Variants in AP2B1 observed in about 807,000 individuals in gnomAD.
AP2B1 encodes the protein AP-2 complex subunit beta.
In AP2B1, 23 loss-of-function variants were observed where a neutral mutation model predicts 102.0. The ratio of observed to expected loss-of-function variants is 0.23; its 90% CI spans 0.16 to 0.32. The LOEUF is 0.32. Ranked by LOEUF, AP2B1 falls within the 10% of genes least tolerant of loss-of-function variation. AP2B1 has a pLI of 1.00. For missense variants in AP2B1, 541 were observed against 1,157.4 expected (o/e 0.47, Z 7.73); for synonymous variants, 381 against 421.2 (o/e 0.90, Z 1.17).
chr17:35,709,855 T>C (rs2076412670), intron 19 of AP2B1, among the ~76,000 whole-genome samples: 1 of 152,238 alleles, frequency 6.6e-6, no homozygotes, highest in Non-Finnish European at 1.5e-5. Context: ...AACTGGCTTA[T>C]ATTGGTGCAT....
chr17:35,719,719 G>A (rs1360494772), intron 21 of AP2B1, among the ~76,000 whole-genome samples: 2 of 152,208 alleles, frequency 1.3e-5, no homozygotes, highest in African/African-American at 4.8e-5. Flanking sequence ...ACAGTGACCT[G>A]GTGTGGTGGC....
At chr17:35,592,361 A>T (rs1047341027) in intron 1 of AP2B1, among the ~76,000 whole-genome samples, 5 of 151,934 alleles carry the variant, frequency 3.3e-5, no homozygotes, top group Non-Finnish European at 5.9e-5. Flanking sequence ...ATATTTATAT[A>T]TTTTTTTCCC....
intron 10 of AP2B1, 107 bp from the exon 11 acceptor site, chr17:35,639,488 G>A: frequency 1.1e-6 from 1 of 872,772 alleles, no homozygotes; most frequent in African/African-American, 1.7e-5. Flanking sequence ...TTTACAGTTT[G>A]GTGGTTTGGT....
chr17:35,707,508 G>A (rs1041818533), intron 18 of AP2B1, among the ~76,000 whole-genome samples: 5 of 142,296 alleles, frequency 3.5e-5, no homozygotes, highest in East Asian at 2.1e-4. Context: ...GCTGGAGTGC[G>A]GTGGCGCTAT....
chr17:35,644,600 G>A (rs1248820102), intron 12 of AP2B1, among the ~76,000 whole-genome samples: 1 of 150,964 alleles, frequency 6.6e-6, no homozygotes, highest in Non-Finnish European at 1.5e-5. Context: ...GGCCAGGCTG[G>A]TCTTGAACTC....
chr17:35,711,432 C>T (rs1244160075), intron 20 of AP2B1, among the ~76,000 whole-genome samples: 1 of 151,122 alleles, frequency 6.6e-6, no homozygotes, highest in African/African-American at 2.4e-5. Context: ...AAAACACACA[C>T]ACACACAAAA....
chr17:35,723,877 T>C lies in AP2B1; in HGVS notation c.*178T>C, dbSNP rs1167044378. On this transcript the variant is annotated 3_prime_UTR_variant, in exon 22 of 22. Coordinates refer to ENST00000610402, the MANE Select transcript of AP2B1 (RefSeq NM_001030006.2). The stretch of plus-strand genomic sequence containing the variant: ...AACCTGTTGGATAGTTTTAGCTTCC[T>C]GTGAACATTTGTAACCACTGCTTCA... 2 of 516,036 alleles carry C rather than the reference T, an allele frequency of 3.9e-6. No individual in the cohort carries two copies. The highest frequency in any genetic ancestry group is 7.0e-6 in the Non-Finnish European group (2 of 284,318). 32.0% of individuals were successfully genotyped at this position (516,036 alleles called of 1,614,324 possible). A position where few individuals can be genotyped will look rare whatever the true frequency, so the allele number is the denominator to read the frequency against.
rs141272905 is a variant in AP2B1, at chr17:35,638,564, G to A, written c.1272-1031G>A. On this transcript the variant is annotated intron_variant, in intron 10 of 21. Coordinates refer to ENST00000610402, the MANE Select transcript of AP2B1 (RefSeq NM_001030006.2). ...AGCACTTTGGGAGGCCGAGGTGGGC[G>A]GATCATGAGGTCAGGAGATGGAGAC... Among the ~76,000 whole-genome samples, 1,359 of 152,132 alleles carry A rather than the reference G, an allele frequency of 8.9e-3. 16 individuals carry two copies. The highest frequency in any genetic ancestry group is 0.031 in the African/African-American group (1,270 of 41,494).
At chr17:35,660,165 GA>G in intron 14 of AP2B1, 11 of 802,736 alleles carry the variant, frequency 1.4e-5, no homozygotes, top group Non-Finnish European at 1.7e-5. Context: ...TTAGTTTGTG[GA>G]AATGGGTTCT....
Position 35,701,216 on chromosome 17 carries a change from T to G in AP2B1, c.2455-8008T>G, listed in dbSNP as rs587600759. Among the ~76,000 whole-genome samples the G allele has an allele frequency of 5.3e-5, 8 of 152,314 alleles. No individual in the cohort carries two copies. In the South Asian group the frequency reaches 1.7e-3, roughly 32 times the overall value. On this transcript the variant is annotated intron_variant, in intron 18 of 21. Coordinates refer to ENST00000610402, the MANE Select transcript of AP2B1 (RefSeq NM_001030006.2). Reference sequence around the variant, plus strand: ...ACTGAACAGTTTCAGGAAATATTACTTACTCTTCATGAGATGCACTGTGAT... The same window carrying G: ...ACTGAACAGTTTCAGGAAATATTACGTACTCTTCATGAGATGCACTGTGAT...
At chr17:35,722,862 T>G (rs1291960924) in intron 21 of AP2B1, among the ~76,000 whole-genome samples, 1 of 152,224 alleles carries the variant, frequency 6.6e-6, no homozygotes, top group African/African-American at 2.4e-5. Context: ...TGGGTTTAAA[T>G]TTTGTCCTTA....
intron 21 of AP2B1, among the ~76,000 whole-genome samples, chr17:35,719,743 GC>G (rs1431137092): frequency 1.5e-4 from 23 of 152,314 alleles, no homozygotes; most frequent in African/African-American, 5.3e-4. Flanking sequence ...TGCCTGTAAT[GC>G]CAACACTTTG....
rs1455402719 is a variant in AP2B1 at position 35,723,761 on chromosome 17, G to A, written c.*62G>A. ...CGGTGCAAGTCAAGAACTCTTAACT[G>A]GAAGAAATTGTATTGCTGCGTAGAA... On this transcript the variant is annotated 3_prime_UTR_variant, in exon 22 of 22. Transcript: ENST00000610402. 1 of 1,221,492 alleles carries A rather than the reference G, an allele frequency of 8.2e-7. No individual in the cohort carries two copies. The highest frequency in any genetic ancestry group is 1.5e-5 in the African/African-American group (1 of 66,980). 75.7% of individuals were successfully genotyped at this position (1,221,492 alleles called of 1,614,324 possible).
chr17:35,620,809 C>A (rs1216502814), intron 5 of AP2B1, among the ~76,000 whole-genome samples: 2 of 152,078 alleles, frequency 1.3e-5, no homozygotes, highest in Admixed American at 6.5e-5. Context: ...CAGAGTGAGA[C>A]CCTGCCTCTT....
intron 3 of AP2B1, chr17:35,601,091 A>G (rs2073465311): frequency 2.5e-5 from 19 of 761,088 alleles, no homozygotes; most frequent in Non-Finnish European, 2.7e-5. Flanking sequence ...TCAGGCTGGC[A>G]TAGTAAGTAC....
chr17:35,662,532 G>GTTTTTTTTTTTTTTTTTTTTT (rs34547701), intron 14 of AP2B1, among the ~76,000 whole-genome samples: 2 of 110,106 alleles, frequency 1.8e-5, no homozygotes, highest in African/African-American at 6.7e-5. Flanking sequence ...GTTTGGGTTT[G>GTTTTTTTTTTTTTTTTTTTTT]TTTTTTTTTT....
At chr17:35,635,465 AC>A (rs1482061562) in intron 9 of AP2B1, among the ~76,000 whole-genome samples, 2 of 147,936 alleles carry the variant, frequency 1.4e-5, no homozygotes, top group Admixed American at 6.7e-5. Flanking sequence ...GCTAACTACA[AC>A]CTCTGCCTCC....
At position 35,588,588 on chromosome 17, in the gene AP2B1, T is replaced by A. The variant is rs144606468; in HGVS notation, c.-24+1160T>A. 3.6e-4 allele frequency: 55 copies of A among 152,368 alleles called. 1 individual carries two copies. The highest frequency in any genetic ancestry group is 1.1e-3 in the African/African-American group (45 of 41,586). The allele number at this position is 152,368 out of a possible 1,614,324, so 9.4% of individuals were successfully genotyped here. A position where few individuals can be genotyped will look rare whatever the true frequency, so the allele number is the denominator to read the frequency against. ...TGGTCTCAATGAGAATCAATTTAAA[T>A]GATTAGTTACCTTCCTTGTATACTT... On this transcript the variant is annotated intron_variant, in intron 1 of 21. Transcript: ENST00000610402.
intron 10 of AP2B1, 63 bp from the exon 11 acceptor site, chr17:35,639,532 C>G (rs972819804): frequency 1.3e-6 from 2 of 1,489,000 alleles, no homozygotes; most frequent in East Asian, 4.6e-5. Context: ...TGCCTTTAGC[C>G]TTCACTGTTA....
Sources: allele counts gnomAD v4.1 joint callset (sites outside exome capture counted in the v4.1 genomes callset), GRCh38; gene constraint gnomAD v4.1.1; transcripts MANE v1.5; gene names NCBI Gene and HGNC (gene_info 2026-07-23, HGNC 2026-07-21).